Variants in PELI2 observed in about 807,000 individuals in gnomAD.
PELI2 encodes the protein E3 ubiquitin-protein ligase pellino homolog 2.
A neutral mutation model predicts 42.3 loss-of-function variants in PELI2; 23 were observed. The ratio of observed to expected loss-of-function variants is 0.54; its 90% CI spans 0.39 to 0.77. PELI2 has a LOEUF of 0.77. Ranked by LOEUF, PELI2 falls within the 30% of genes least tolerant of loss-of-function variation. The pLI is 0.00. For synonymous variants in PELI2, 245 were observed against 212.2 expected (o/e 1.15, Z -1.34); for missense variants, 463 against 553.2 (o/e 0.84, Z 1.64).
At chr14:56,275,139 GA>G (rs1889245926) in intron 2 of PELI2, among the ~76,000 whole-genome samples, 2 of 152,114 alleles carry the variant, frequency 1.3e-5, no homozygotes, top group African/African-American at 4.8e-5. Context: ...TGCTGGGGTG[GA>G]AAAATAAATA....
intron 1 of PELI2, among the ~76,000 whole-genome samples, chr14:56,140,045 TTG>T (rs1319614048): frequency 6.6e-6 from 1 of 151,914 alleles, no homozygotes; most frequent in Non-Finnish European, 1.5e-5. Flanking sequence ...TTTTCCTGCC[TTG>T]TTAACGTCTT....
At chr14:56,272,606 G>A (rs555723848) in intron 2 of PELI2, among the ~76,000 whole-genome samples, 33 of 152,288 alleles carry the variant, frequency 2.2e-4, no homozygotes, top group African/African-American at 7.9e-4. Context: ...GACACACTTG[G>A]TGGCCTTTGT....
chr14:56,156,791 T>G (rs1366240266), intron 1 of PELI2, among the ~76,000 whole-genome samples: 1 of 152,220 alleles, frequency 6.6e-6, no homozygotes, highest in Non-Finnish European at 1.5e-5. Flanking sequence ...GCTACTATGT[T>G]GGACAATACG....
chr14:56,244,128 A>G (rs776254934), intron 2 of PELI2, among the ~76,000 whole-genome samples: 5 of 152,134 alleles, frequency 3.3e-5, no homozygotes, highest in Non-Finnish European at 5.9e-5. Flanking sequence ...TTTTGTTACT[A>G]AGGGCCCAGA....
chr14:56,160,990 AG>A (rs1884740864), intron 1 of PELI2, among the ~76,000 whole-genome samples: 1 of 152,142 alleles, frequency 6.6e-6, no homozygotes, highest in African/African-American at 2.4e-5. Context: ...CTCTGTTTTA[AG>A]GTTCCCTGTA....
intron 1 of PELI2, among the ~76,000 whole-genome samples, chr14:56,146,779 GTCT>G (rs982980820): frequency 1.3e-5 from 2 of 151,702 alleles, no homozygotes; most frequent in Non-Finnish European, 2.9e-5. Flanking sequence ...TAAGATAAAG[GTCT>G]TCTTTTTTTT....
intron 2 of PELI2, among the ~76,000 whole-genome samples, chr14:56,181,746 G>T (rs559465424): frequency 2.0e-5 from 3 of 152,240 alleles, no homozygotes; most frequent in Non-Finnish European, 4.4e-5. Flanking sequence ...TGGCAAGTGC[G>T]TGCTACTGTT....
At chr14:56,244,599 G>T in intron 2 of PELI2, among the ~76,000 whole-genome samples, 1 of 152,176 alleles carries the variant, frequency 6.6e-6, no homozygotes, top group Non-Finnish European at 1.5e-5. Flanking sequence ...ATGCCACTCT[G>T]CTAATGCTCA....
At chr14:56,294,955 T>C (rs1398020458) in intron 5 of PELI2, among the ~76,000 whole-genome samples, 1 of 152,180 alleles carries the variant, frequency 6.6e-6, no homozygotes, top group African/African-American at 2.4e-5. Context: ...AGCTACTAAG[T>C]GGTGAAATCA....
chr14:56,237,439 C>A (rs1346359331), intron 2 of PELI2, among the ~76,000 whole-genome samples: 1 of 152,056 alleles, frequency 6.6e-6, no homozygotes, highest in East Asian at 1.9e-4. Context: ...ATTTTTAGAT[C>A]TTTCTTTCTT....
intron 1 of PELI2, among the ~76,000 whole-genome samples, chr14:56,125,549 TTTAC>T (rs1486701687): frequency 6.6e-6 from 1 of 152,106 alleles, no homozygotes; most frequent in African/African-American, 2.4e-5. Flanking sequence ...TCTTTCGGTT[TTTAC>T]TTACTTTTTT....
At chr14:56,237,027 T>C (rs1261056347) in intron 2 of PELI2, among the ~76,000 whole-genome samples, 4 of 152,202 alleles carry the variant, frequency 2.6e-5, no homozygotes, top group African/African-American at 7.2e-5. Context: ...CCTAGCACTC[T>C]CACAAGACTG....
At chr14:56,151,000 T>C (rs1168319074) in intron 1 of PELI2, among the ~76,000 whole-genome samples, 3 of 152,246 alleles carry the variant, frequency 2.0e-5, no homozygotes, top group African/African-American at 7.2e-5. Context: ...GTCTTTTGCA[T>C]GTTAAGAACT....
chr14:56,248,006 G>C lies in PELI2; in HGVS notation c.208-31670G>C, dbSNP rs189020737. 2.1e-3 allele frequency among the ~76,000 whole-genome samples: 319 copies of C among 152,324 alleles called. 1 individual carries two copies. The highest frequency in any genetic ancestry group is 7.3e-3 in the African/African-American group (305 of 41,574). ...TGTTTTATTGCCAAGAGAAGGAAAA[G>C]TGTCAGTGCTATTTTGATTTTGTTA... On this transcript the variant is annotated intron_variant, in intron 2 of 5. Transcript: ENST00000267460.
chr14:56,181,504 T>C (rs938332908), intron 2 of PELI2, among the ~76,000 whole-genome samples: 2 of 152,094 alleles, frequency 1.3e-5, no homozygotes, highest in African/African-American at 4.8e-5. Flanking sequence ...TCATCTTTGA[T>C]TGTAGTTGGG....
chr14:56,234,764 A>G (rs1407886310), intron 2 of PELI2, among the ~76,000 whole-genome samples: 2 of 151,626 alleles, frequency 1.3e-5, no homozygotes, highest in African/African-American at 2.4e-5. Flanking sequence ...TAAAAAATGT[A>G]AAAAGTGAAG....
chr14:56,284,991 A>G (rs1594714721), intron 3 of PELI2, among the ~76,000 whole-genome samples: 1 of 152,222 alleles, frequency 6.6e-6, no homozygotes, highest in African/African-American at 2.4e-5. Context: ...GACAGGTAGG[A>G]CCTTCAGGCC....
chr14:56,279,872 G>C, intron 3 of PELI2, 95 bp downstream of exon 3: 1 of 541,598 alleles, frequency 1.8e-6, no homozygotes, highest in East Asian at 3.1e-5. Context: ...AGTATGTCCA[G>C]GGGGAAAGAG....
In PELI2 at chr14:56,299,608, G is replaced by T. The variant is rs1366960358; in HGVS notation, c.*2442G>T. 6.6e-6 allele frequency: 1 copy of T among 152,146 alleles called. No individual in the cohort carries two copies. The highest frequency in any genetic ancestry group is 1.5e-5 in the Non-Finnish European group (1 of 68,034). The allele number at this position is 152,146 out of a possible 1,614,324, so 9.4% of individuals were successfully genotyped here. A position where few individuals can be genotyped will look rare whatever the true frequency, so the allele number is the denominator to read the frequency against. ...ATCCCTTTACAATTTTGACTAAGGA[G>T]ATTTTTTTTTTCACAGTTGAGTTAG... is the stretch of plus-strand genomic sequence containing the variant. On this transcript the variant is annotated 3_prime_UTR_variant, in exon 6 of 6. Transcript: ENST00000267460.
Sources: allele counts gnomAD v4.1 joint callset (sites outside exome capture counted in the v4.1 genomes callset), GRCh38; gene constraint gnomAD v4.1.1; transcripts MANE v1.5; gene names NCBI Gene and HGNC (gene_info 2026-07-23, HGNC 2026-07-21).